The following C6orf89 variants were observed in gnomAD, a reference collection of about 807,000 sequenced individuals.
The protein encoded by C6orf89 is chromosome 6 open reading frame 89, also known as bombesin receptor-activated protein C6orf89.
A neutral mutation model predicts 40.7 loss-of-function variants in C6orf89; 29 were observed. The ratio of observed to expected loss-of-function variants is 0.71; its 90% CI spans 0.53 to 0.97. C6orf89 has a LOEUF of 0.97. Among genes scored for constraint, C6orf89 ranks in the 50% least tolerant of loss-of-function variants. The pLI is 0.00. For missense variants in C6orf89, 392 were observed against 429.1 expected, an observed-to-expected ratio of 0.91 and a Z score of 0.76; for synonymous variants, 165 against 152.2, an observed-to-expected ratio of 1.08 and a Z score of -0.62.
intron 4 of C6orf89, among the ~76,000 whole-genome samples, chr6:36,912,029 A>G (rs912624855): frequency 2.6e-5 from 4 of 151,012 alleles, no homozygotes; most frequent in Non-Finnish European, 5.9e-5. Flanking sequence ...CCTAATCACA[A>G]TCCAGAATAA....
intron 1 of C6orf89, chr6:36,874,620 G>C: frequency 1.3e-6 from 2 of 1,500,206 alleles, no homozygotes; most frequent in African/African-American, 1.4e-5. Flanking sequence ...CCACGTGGAG[G>C]CCGGCCTCCC....
At chr6:36,917,868 A>C (rs1027409844) in intron 7 of C6orf89, among the ~76,000 whole-genome samples, 1 of 152,362 alleles carries the variant, frequency 6.6e-6, no homozygotes, top group South Asian at 2.1e-4. Flanking sequence ...AGCGTGTGCA[A>C]CACCAAGGAG....
chr6:36,878,279 C>G (rs1056274005), intron 1 of C6orf89, among the ~76,000 whole-genome samples: 1 of 152,160 alleles, frequency 6.6e-6, no homozygotes, highest in African/African-American at 2.4e-5. Context: ...TGGTTTCATA[C>G]ATTTATGTCA....
intron 1 of C6orf89, chr6:36,875,145 AT>A (rs1449109553): frequency 4.1e-6 from 1 of 244,652 alleles, no homozygotes; most frequent in Non-Finnish European, 8.1e-6. Flanking sequence ...TAGTCTCACA[AT>A]TGGGCAGGGA....
intron 4 of C6orf89, among the ~76,000 whole-genome samples, chr6:36,907,809 G>A (rs1761980994): frequency 6.6e-6 from 1 of 152,140 alleles, no homozygotes; most frequent in Non-Finnish European, 1.5e-5. Context: ...GAAACAGGAG[G>A]GCTGGAAAGA....
intron 2 of C6orf89, among the ~76,000 whole-genome samples, chr6:36,880,495 C>T (rs1431255067): frequency 3.3e-5 from 5 of 150,436 alleles, no homozygotes; most frequent in African/African-American, 1.2e-4. Flanking sequence ...CAAAAATAAG[C>T]ACTTAAATAT....
intron 6 of C6orf89, among the ~76,000 whole-genome samples, chr6:36,915,532 G>A (rs1009294345): frequency 6.6e-6 from 1 of 152,122 alleles, no homozygotes; most frequent in African/African-American, 2.4e-5. Context: ...ACTTGGGCCC[G>A]GGAGTTGGAG....
intron 4 of C6orf89, among the ~76,000 whole-genome samples, chr6:36,911,196 T>C (rs1249843448): frequency 6.6e-6 from 1 of 152,160 alleles, no homozygotes; most frequent in Non-Finnish European, 1.5e-5. Flanking sequence ...TAAAATTAAA[T>C]AAGTTAGGCT....
Position 36,923,532 on chromosome 6 carries a change from G to A in C6orf89, c.*91G>A, listed in dbSNP as rs150166486. On this transcript the variant is annotated 3_prime_UTR_variant, in exon 9 of 9. Transcript: ENST00000480824. ...AACAAAAACGATGAAACTGCTTTCT[G>A]GGGGTTGGTTACTTAGTTACCTGCC... 1,573 of 1,019,270 alleles carry A rather than the reference G, an allele frequency of 1.5e-3. 12 individuals are homozygous for A. In the African/African-American group the frequency reaches 0.017, roughly 11 times the overall value. 63.1% of individuals were successfully genotyped at this position (1,019,270 alleles called of 1,614,324 possible). A position where few individuals can be genotyped will look rare whatever the true frequency, so the allele number is the denominator to read the frequency against.
chr6:36,905,802 G>A (rs546181751), intron 4 of C6orf89, among the ~76,000 whole-genome samples: 1 of 152,262 alleles, frequency 6.6e-6, no homozygotes, highest in South Asian at 2.1e-4. Flanking sequence ...GAATTTTAGA[G>A]TTAATCTAGT....
chr6:36,905,733 C>T (rs1032491856), intron 4 of C6orf89, among the ~76,000 whole-genome samples: 16 of 152,130 alleles, frequency 1.1e-4, no homozygotes, highest in African/African-American at 2.2e-4. Context: ...TTACTCCTGC[C>T]GGCCATCCCC....
Position 36,926,901 on chromosome 6 carries a change from T to C in C6orf89, c.*3460T>C, listed in dbSNP as rs1632649. 0.67 allele frequency: 101,289 copies of C among 152,134 alleles called. 35,380 individuals are homozygous for C. The highest frequency in any genetic ancestry group is 0.88 in the African/African-American group (36,668 of 41,522). The allele number at this position is 152,134 out of a possible 1,614,324, so 9.4% of individuals were successfully genotyped here. A position where few individuals can be genotyped will look rare whatever the true frequency, so the allele number is the denominator to read the frequency against. ...TGGATGTCGTTGACTCAGATGTGCCTCCGTTGGGGTGGGAGAACCCAGGGA... is the reference window on the plus strand; with the variant it reads ...TGGATGTCGTTGACTCAGATGTGCCCCCGTTGGGGTGGGAGAACCCAGGGA... On this transcript the variant is annotated 3_prime_UTR_variant, in exon 9 of 9. Coordinates refer to ENST00000480824, the MANE Select transcript of C6orf89 (RefSeq NM_001286635.2).
intron 4 of C6orf89, among the ~76,000 whole-genome samples, chr6:36,903,704 A>G (rs542948189): frequency 5.6e-4 from 86 of 152,254 alleles, no homozygotes; most frequent in African/African-American, 2.0e-3. Flanking sequence ...TTAAGATCTA[A>G]TGAGTCATAA....
intron 3 of C6orf89, among the ~76,000 whole-genome samples, chr6:36,901,318 A>ATTTTTTTTTTTT (rs1408790414): frequency 4.8e-4 from 31 of 65,090 alleles, no homozygotes; most frequent in East Asian, 7.3e-4. Context: ...TATTATTATT[A>ATTTTTTTTTTTT]TTATTTTTTT....
Position 36,914,277 on chromosome 6 carries a change from C to G in C6orf89, c.404-7C>G, listed in dbSNP as rs760257930. On this transcript the variant is annotated splice_region_variant and splice_polypyrimidine_tract_variant and intron_variant, in intron 4 of 8. Transcript: ENST00000480824. ...ATCTGTTTTCTCCATATCCCTTCCT[C>G]TCTCAGACTTTGACCCCTGGTGGAC... is the stretch of plus-strand genomic sequence containing the variant. The G allele has an allele frequency of 2.0e-5, 33 of 1,612,118 alleles. No individual in the cohort carries two copies. The highest frequency in any genetic ancestry group is 2.8e-5 in the Non-Finnish European group (33 of 1,178,986).
chr6:36,898,521 C>T (rs1036976944), intron 2 of C6orf89, among the ~76,000 whole-genome samples: 17 of 151,914 alleles, frequency 1.1e-4, no homozygotes, highest in African/African-American at 3.4e-4. Flanking sequence ...TCAGGTGATC[C>T]GCCTGCCTCA....
intron 1 of C6orf89, 103 bp downstream of exon 1, chr6:36,886,131 A>C: frequency 9.8e-7 from 1 of 1,020,620 alleles, no homozygotes. Flanking sequence ...CGCCGCTGCT[A>C]CCACCCTCTA....
intron 1 of C6orf89, 39 bp downstream of exon 1, chr6:36,886,067 G>A (rs900477128): frequency 2.9e-5 from 33 of 1,155,918 alleles, no homozygotes; most frequent in African/African-American, 5.2e-5. Context: ...GGGGGAGGCC[G>A]CCCTGTGACA....
chr6:36,902,464 T>A (rs1340302308), intron 4 of C6orf89, 30 bp downstream of exon 4: 2 of 1,595,292 alleles, frequency 1.3e-6, no homozygotes, highest in East Asian at 4.5e-5. Context: ...ACTTATTAGA[T>A]ATAGTTTTCT....
Sources: gnomAD v4.1 joint callset for allele counts (sites outside exome capture counted in the v4.1 genomes callset) on GRCh38, gnomAD v4.1.1 for gene constraint, MANE v1.5 for transcripts, NCBI Gene and HGNC (gene_info 2026-07-23, HGNC 2026-07-21) for gene names.